TET2: variants seen among roughly 807,000 people sequenced by gnomAD.
TET2 encodes the protein methylcytosine dioxygenase TET2.
A neutral mutation model predicts 142.9 loss-of-function variants in TET2; 299 were observed. The ratio of observed to expected loss-of-function variants is 2.09; its 90% CI spans 1.90 to 2.30. The LOEUF is 2.30. TET2 is among the 30% of genes most tolerant of loss of function. TET2 has a pLI of 0.00. For missense variants in TET2, 2,418 were observed against 2,378.0 expected, an observed-to-expected ratio of 1.02 and a Z score of -0.35; for synonymous variants, 819 against 849.0, an observed-to-expected ratio of 0.96 and a Z score of 0.61.
chr4:105,244,737 A>G (rs1319835210), intron 6 of TET2, among the ~76,000 whole-genome samples: 1 of 151,898 alleles, frequency 6.6e-6, no homozygotes, highest in Non-Finnish European at 1.5e-5. Flanking sequence ...CTGGGATTAC[A>G]GGCATGTGCC....
chr4:105,232,248 C>G (rs1276350343), intron 2 of TET2, among the ~76,000 whole-genome samples: 3 of 152,180 alleles, frequency 2.0e-5, no homozygotes, highest in Non-Finnish European at 4.4e-5. Flanking sequence ...GTAACACTTT[C>G]TTTATCCAGT....
chr4:105,261,005 G>A (rs180788894), intron 7 of TET2, among the ~76,000 whole-genome samples: 17 of 151,936 alleles, frequency 1.1e-4, no homozygotes, highest in Non-Finnish European at 2.2e-4. Flanking sequence ...GGGTAGGAGA[G>A]CTCTGTTCAG....
intron 1 of TET2, among the ~76,000 whole-genome samples, chr4:105,182,637 C>T (rs760149382): frequency 6.6e-6 from 1 of 152,056 alleles, no homozygotes; most frequent in Non-Finnish European, 1.5e-5. Flanking sequence ...TTTTTATTTG[C>T]CTTTCTATTA....
intron 9 of TET2, 81 bp from the exon 10 acceptor site, chr4:105,272,483 G>C: frequency 1.1e-6 from 1 of 947,880 alleles, no homozygotes; most frequent in Non-Finnish European, 1.5e-6. Context: ...TCTGAATACT[G>C]AGAGGAGAAA....
intron 1 of TET2, among the ~76,000 whole-genome samples, chr4:105,152,741 C>T (rs568004451): frequency 4.6e-5 from 7 of 151,730 alleles, no homozygotes; most frequent in South Asian, 2.1e-4. Context: ...GGACTAGGAG[C>T]GTGCCCCACC....
intron 4 of TET2, chr4:105,242,303 G>A (rs1729349681): frequency 9.3e-7 from 1 of 1,078,908 alleles, no homozygotes. Context: ...TTTTAAACAA[G>A]CAGTAGGTGG....
At chr4:105,195,490 C>T (rs1402736631) in intron 2 of TET2, among the ~76,000 whole-genome samples, 1 of 151,984 alleles carries the variant, frequency 6.6e-6, no homozygotes, top group Non-Finnish European at 1.5e-5. Context: ...GGTTCCAGGA[C>T]CCCCCATGGA....
intron 2 of TET2, among the ~76,000 whole-genome samples, chr4:105,210,985 A>C (rs1450951081): frequency 6.6e-6 from 1 of 152,192 alleles, no homozygotes; most frequent in African/African-American, 2.4e-5. Context: ...GGATTTAAAT[A>C]ATAATCTTAA....
In TET2 at chr4:105,261,757, A is replaced by C. The variant is rs1242089483; in HGVS notation, c.3955-2A>C. The stretch of plus-strand genomic sequence containing the variant: ...ATATGTAGAATTATTCACTTTATAC[A>C]GGAAGAGAAACTGGAGTCTCATTTG... On this transcript the variant is annotated splice_acceptor_variant, in intron 7 of 10. Transcript: ENST00000380013. LOFTEE classifies it high-confidence loss of function. The C allele has an allele frequency of 6.5e-7, 1 of 1,531,800 alleles. No individual in the cohort carries two copies. The highest frequency in any genetic ancestry group is 8.8e-7 in the Non-Finnish European group (1 of 1,130,628). 94.9% of individuals were successfully genotyped at this position (1,531,800 alleles called of 1,614,324 possible).
intron 6 of TET2, among the ~76,000 whole-genome samples, chr4:105,256,754 A>G (rs1730155458): frequency 6.6e-6 from 1 of 152,100 alleles, no homozygotes; most frequent in African/African-American, 2.4e-5. Flanking sequence ...ATGGTCTTCC[A>G]CAGATCTCTG....
chr4:105,222,639 C>G (rs184066686), intron 2 of TET2, among the ~76,000 whole-genome samples: 4 of 152,024 alleles, frequency 2.6e-5, no homozygotes, highest in Non-Finnish European at 5.9e-5. Flanking sequence ...GAGTAGGTTG[C>G]GAAAATTTTC....
Position 105,237,158 on chromosome 4 carries a change from A to C in TET2, c.3216A>C (p.Ala1072=). 2 of 1,614,200 alleles carry C rather than the reference A, an allele frequency of 1.2e-6. No homozygotes were observed. Among genetic ancestry groups the C allele is most frequent in the Non-Finnish European group, 8.5e-7 (1 of 1,180,034 alleles). The part of the protein sequence containing the change: ...VTVLTRQTTA[A]ELDSHTPALE... ...TTTTGACTAGACAAACCACTGCTGC[A>C]GAACTTGATAGCCACACCCCAGCTT... The change falls in exon 3 of 11, where the codon GCA becomes GCC. Residue 1072 remains alanine (A), a synonymous_variant. Transcript: ENST00000380013.
intron 1 of TET2, among the ~76,000 whole-genome samples, chr4:105,175,873 A>T (rs1724762345): frequency 6.6e-6 from 1 of 152,158 alleles, no homozygotes; most frequent in Non-Finnish European, 1.5e-5. Flanking sequence ...TATCTGACAT[A>T]TCCTCATAAA....
At chr4:105,193,586 A>C (rs1266694595) in intron 2 of TET2, among the ~76,000 whole-genome samples, 1 of 152,140 alleles carries the variant, frequency 6.6e-6, no homozygotes, top group Non-Finnish European at 1.5e-5. Flanking sequence ...TTAAGAGAGA[A>C]GGGAAGATAG....
In TET2 at chr4:105,148,215, GA is replaced by G. The variant is rs1357246713; in HGVS notation, c.-193+1240del. On this transcript the variant is annotated intron_variant, in intron 1 of 10. Coordinates refer to ENST00000380013, the MANE Select transcript of TET2 (RefSeq NM_001127208.3). ...GCCTGGATAGACTCCTGGAAAGGCC[GA>G]AAATGAAATATAAGTGTTATTTGCT... Among the ~76,000 whole-genome samples, 9 of 152,268 alleles carry G rather than the reference GA, an allele frequency of 5.9e-5. No individual in the cohort carries two copies. The South Asian group carries it at 1.9e-3, about 32-fold the overall frequency.
In TET2 at chr4:105,236,188, AAATAAAG is replaced by A. The variant is rs1329343855; in HGVS notation, c.2255_2261del (p.Asn752ArgfsTer59). ...AACCAGCAACAGCAGCAAAAATTAC[AAATAAAG>A]AATAAAGAGGAAATACTCCAGACTT... On this transcript the variant is annotated frameshift_variant, in exon 3 of 11. Coordinates refer to ENST00000380013, the MANE Select transcript of TET2 (RefSeq NM_001127208.3). LOFTEE classifies it high-confidence loss of function. The A allele has an allele frequency of 1.2e-6, 2 of 1,614,090 alleles. No individual in the cohort carries two copies. Among genetic ancestry groups the A allele is most frequent in the East Asian group, 2.2e-5 (1 of 44,854 alleles).
intron 3 of TET2, chr4:105,239,442 A>G (rs1428624489): frequency 1.2e-5 from 3 of 240,438 alleles, no homozygotes; most frequent in African/African-American, 4.5e-5. Flanking sequence ...TGCAGCTTCT[A>G]CATCAGCACT....
At chr4:105,195,590 C>T (rs1282099660) in intron 2 of TET2, among the ~76,000 whole-genome samples, 4 of 152,174 alleles carry the variant, frequency 2.6e-5, no homozygotes, top group African/African-American at 9.7e-5. Flanking sequence ...TACTTCGAAT[C>T]ATCTCTCGAT....
intron 2 of TET2, among the ~76,000 whole-genome samples, chr4:105,228,860 A>G (rs1728331115): frequency 6.6e-6 from 1 of 152,178 alleles, no homozygotes; most frequent in South Asian, 2.1e-4. Flanking sequence ...ACTACAAATC[A>G]ATTTTCATGA....
Sources: allele counts gnomAD v4.1 joint callset (sites outside exome capture counted in the v4.1 genomes callset), GRCh38; gene constraint gnomAD v4.1.1; transcripts MANE v1.5; gene names NCBI Gene and HGNC (gene_info 2026-07-23, HGNC 2026-07-21).